Variants in RAPGEF6 observed in about 807,000 individuals in gnomAD.
RAPGEF6 encodes PDZ domain containing guanine nucleotide exchange factor (GEF) 2.
Under a neutral mutation model 171.4 loss-of-function variants are expected in RAPGEF6, and 56 were observed. The observed-to-expected ratio is 0.33, with a 90% CI of 0.26 to 0.41. The LOEUF (loss-of-function observed/expected upper bound fraction) is 0.41. RAPGEF6 is among the 10% of genes least tolerant of loss of function. The pLI is 1.00. For synonymous variants in RAPGEF6, 692 were observed against 650.1 expected (o/e 1.06, Z -0.98); for missense variants, 1,674 against 1,921.4 (o/e 0.87, Z 2.41).
chr5:131,538,468 G>C (rs891261328), intron 6 of RAPGEF6, among the ~76,000 whole-genome samples: 3 of 152,102 alleles, frequency 2.0e-5, no homozygotes, highest in Non-Finnish European at 4.4e-5. Flanking sequence ...CACAGAAAAC[G>C]TACAGTAAAA....
intron 26 of RAPGEF6, among the ~76,000 whole-genome samples, chr5:131,429,951 G>A (rs371314427): frequency 6.6e-6 from 1 of 151,616 alleles, no homozygotes; most frequent in Non-Finnish European, 1.5e-5. Context: ...TTGGGAGGCT[G>A]AGAGAGGAGA....
At chr5:131,570,941 A>G (rs1762242251) in intron 4 of RAPGEF6, among the ~76,000 whole-genome samples, 1 of 138,684 alleles carries the variant, frequency 7.2e-6, no homozygotes, top group East Asian at 2.0e-4. Context: ...ATCCCCAACT[A>G]CTTTTTTTTT....
chr5:131,569,677 T>G (rs1762156806), intron 4 of RAPGEF6, among the ~76,000 whole-genome samples: 1 of 152,168 alleles, frequency 6.6e-6, no homozygotes, highest in Admixed American at 6.5e-5. Flanking sequence ...AAAAGCTCTA[T>G]TCTCAAAAAT....
At chr5:131,600,642 CGAAG>C (rs759892581) in intron 3 of RAPGEF6, among the ~76,000 whole-genome samples, 199 of 137,102 alleles carry the variant, frequency 1.5e-3, no homozygotes, top group African/African-American at 3.1e-3. Flanking sequence ...GAGGAGGGAG[CGAAG>C]GAAGGAAGGA....
intron 1 of RAPGEF6, among the ~76,000 whole-genome samples, chr5:131,618,623 G>T (rs1165835714): frequency 6.6e-6 from 1 of 152,128 alleles, no homozygotes; most frequent in Non-Finnish European, 1.5e-5. Flanking sequence ...GAGTGACAAA[G>T]GGAGACTCTG....
At chr5:131,491,662 C>G (rs562143627) in intron 14 of RAPGEF6, among the ~76,000 whole-genome samples, 162 of 152,280 alleles carry the variant, frequency 1.1e-3, no homozygotes, top group African/African-American at 3.6e-3. Context: ...ACATTAGATT[C>G]TCATAGGAGT....
chr5:131,621,459 T>C (rs1299698309), intron 1 of RAPGEF6, among the ~76,000 whole-genome samples: 1 of 152,020 alleles, frequency 6.6e-6, no homozygotes. Context: ...TTTTGTACTT[T>C]TTTGTAGAGA....
intron 7 of RAPGEF6, among the ~76,000 whole-genome samples, chr5:131,510,788 C>T (rs1226088690): frequency 2.0e-5 from 3 of 152,142 alleles, no homozygotes; most frequent in African/African-American, 7.2e-5. Context: ...CCACCCAACA[C>T]TTGTATTTCC....
At chr5:131,606,047 A>G (rs1172483102) in intron 1 of RAPGEF6, among the ~76,000 whole-genome samples, 14 of 145,780 alleles carry the variant, frequency 9.6e-5, no homozygotes, top group South Asian at 2.1e-4. Flanking sequence ...AAAAAAAAAA[A>G]AAAAAAGAAA....
chr5:131,470,460 T>C (rs1020521074), intron 17 of RAPGEF6, among the ~76,000 whole-genome samples: 1 of 152,206 alleles, frequency 6.6e-6, no homozygotes, highest in Non-Finnish European at 1.5e-5. Context: ...ACTTCTCTCT[T>C]GCCTCCTCCT....
chr5:131,463,730 A>T, intron 18 of RAPGEF6: 1 of 1,004,986 alleles, frequency 1.0e-6, no homozygotes, highest in African/African-American at 1.7e-5. Context: ...TGTGAAAACC[A>T]TGGCTTCTTT....
intron 16 of RAPGEF6, among the ~76,000 whole-genome samples, chr5:131,478,106 A>G (rs139938903): frequency 1.3e-5 from 2 of 152,196 alleles, no homozygotes; most frequent in Non-Finnish European, 2.9e-5. Flanking sequence ...GGATAGAATG[A>G]GTAATGAACT....
Position 131,446,704 on chromosome 5 carries a change from C to CTA in RAPGEF6, c.3201-3_3201-2dup. The CTA allele has an allele frequency of 6.2e-7, 1 of 1,611,476 alleles. No individual in the cohort carries two copies. Among genetic ancestry groups the CTA allele is most frequent in the Non-Finnish European group, 8.5e-7 (1 of 1,178,098 alleles). On this transcript the variant is annotated splice_acceptor_variant, in intron 21 of 27. Coordinates refer to ENST00000509018, the MANE Select transcript of RAPGEF6 (RefSeq NM_016340.6). LOFTEE classifies it high-confidence loss of function. Reference sequence around the variant, plus strand: ...ATTTGTGCTTCCTTGACTCAGTGACCTATAAGAAGATGAAAATCACAATAA... The same window carrying CTA: ...ATTTGTGCTTCCTTGACTCAGTGACCTATATAAGAAGATGAAAATCACAATAA...
chr5:131,634,912 G>A (rs943658330), intron 1 of RAPGEF6, 50 bp downstream of exon 1: 9 of 1,590,602 alleles, frequency 5.7e-6, no homozygotes, highest in Non-Finnish European at 6.9e-6. Context: ...CAGACAGGAG[G>A]ATGCTGTCTA....
At chr5:131,571,623 T>TA (rs1762292864) in intron 4 of RAPGEF6, among the ~76,000 whole-genome samples, 1 of 152,196 alleles carries the variant, frequency 6.6e-6, no homozygotes. Flanking sequence ...AATCAACTAT[T>TA]AAGATGTTCA....
chr5:131,621,479 A>C (rs1218618723), intron 1 of RAPGEF6, among the ~76,000 whole-genome samples: 2 of 151,800 alleles, frequency 1.3e-5, no homozygotes, highest in Non-Finnish European at 2.9e-5. Flanking sequence ...ATAGGGTTTC[A>C]CCATGTTGCC....
chr5:131,463,370 G>C (rs1754074501), intron 18 of RAPGEF6, among the ~76,000 whole-genome samples: 1 of 152,112 alleles, frequency 6.6e-6, no homozygotes, highest in Non-Finnish European at 1.5e-5. Flanking sequence ...CTTGAGGTAA[G>C]GAGTTTGAGA....
chr5:131,538,632 G>GA (rs946415831), intron 6 of RAPGEF6, among the ~76,000 whole-genome samples: 1 of 152,096 alleles, frequency 6.6e-6, no homozygotes, highest in Non-Finnish European at 1.5e-5. Flanking sequence ...AGGGGGTCCT[G>GA]AAACCAAGCC....
At chr5:131,461,415 G>C (rs1753924670) in intron 19 of RAPGEF6, among the ~76,000 whole-genome samples, 1 of 152,114 alleles carries the variant, frequency 6.6e-6, no homozygotes, top group Non-Finnish European at 1.5e-5. Flanking sequence ...CATATCCAAA[G>C]ATGATATAAT....
Sources: allele counts gnomAD v4.1 joint callset (sites outside exome capture counted in the v4.1 genomes callset), GRCh38; gene constraint gnomAD v4.1.1; transcripts MANE v1.5; gene names NCBI Gene and HGNC (gene_info 2026-07-23, HGNC 2026-07-21).